The following SCYL2 variants were observed in gnomAD, a reference collection of about 807,000 sequenced individuals.
SCYL2 encodes the protein SCY1-like protein 2.
In SCYL2, 36 loss-of-function variants were observed where a neutral mutation model predicts 100.4. The ratio of observed to expected loss-of-function variants is 0.36; its 90% CI spans 0.27 to 0.47. The LOEUF is 0.47. Ranked by LOEUF, SCYL2 falls within the 20% of genes least tolerant of loss-of-function variation. SCYL2 has a pLI of 1.00. For synonymous variants in SCYL2, 330 were observed against 359.2 expected, an observed-to-expected ratio of 0.92 and a Z score of 0.92; for missense variants, 902 against 1,083.9, an observed-to-expected ratio of 0.83 and a Z score of 2.36.
Position 100,317,829 on chromosome 12 carries a change from G to A in SCYL2, c.1299G>A (p.Met433Ile). ...TTTTGTTAATTTTCCTACAAAAAAT[G>A]GATTTGCTACTAACCAAAACCCCTC... ...IQILLIFLQK[M>I]DLLLTKTPPD... Residue 433 changes from methionine (M) to isoleucine (I), a missense_variant, in exon 10 of 18, where the codon ATG becomes ATA. By Grantham distance (10) the Met-to-Ile change is conservative. Coordinates refer to ENST00000360820, the MANE Select transcript of SCYL2 (RefSeq NM_017988.6). 6.2e-7 allele frequency: 1 copy of A among 1,600,930 alleles called. No homozygotes were observed. Among genetic ancestry groups the A allele is most frequent in the East Asian group, 2.2e-5 (1 of 44,698 alleles).
intron 4 of SCYL2, among the ~76,000 whole-genome samples, chr12:100,308,254 T>C (rs1208991594): frequency 6.6e-6 from 1 of 152,106 alleles, no homozygotes; most frequent in Admixed American, 6.5e-5. Context: ...CCATCAATGA[T>C]AGATTGGATA....
At chr12:100,280,190 C>T (rs2096296595) in intron 1 of SCYL2, among the ~76,000 whole-genome samples, 1 of 152,074 alleles carries the variant, frequency 6.6e-6, no homozygotes, top group Non-Finnish European at 1.5e-5. Context: ...AGCAAGAGGG[C>T]AGATTCACTC....
At chr12:100,271,342 T>C (rs1033252216) in intron 1 of SCYL2, among the ~76,000 whole-genome samples, 1 of 150,796 alleles carries the variant, frequency 6.6e-6, no homozygotes, top group Non-Finnish European at 1.5e-5. Flanking sequence ...AAGTACTGCA[T>C]ATGGGAGTAT....
intron 10 of SCYL2, among the ~76,000 whole-genome samples, chr12:100,322,138 C>G (rs375877995): frequency 6.6e-6 from 1 of 150,652 alleles, no homozygotes; most frequent in African/African-American, 2.4e-5. Context: ...TTTGGGAGGC[C>G]GAGGCGGGCA....
intron 1 of SCYL2, among the ~76,000 whole-genome samples, chr12:100,270,362 C>T (rs2096286300): frequency 6.6e-6 from 1 of 152,120 alleles, no homozygotes; most frequent in Non-Finnish European, 1.5e-5. Flanking sequence ...ATTTCCTACT[C>T]AGTTATTCCT....
chr12:100,296,928 T>C (rs978490597), intron 3 of SCYL2: 1 of 152,214 alleles, frequency 6.6e-6, no homozygotes, highest in African/African-American at 2.4e-5. Context: ...ATATTAAGCT[T>C]CTGCATATGC....
chr12:100,308,111 C>T (rs1250856340), intron 4 of SCYL2, among the ~76,000 whole-genome samples: 1 of 151,974 alleles, frequency 6.6e-6, no homozygotes, highest in Non-Finnish European at 1.5e-5. Flanking sequence ...CCAAAAATAC[C>T]ATTTGACCCA....
chr12:100,273,982 G>T (rs969685917), intron 1 of SCYL2, among the ~76,000 whole-genome samples: 1 of 152,138 alleles, frequency 6.6e-6, no homozygotes, highest in Non-Finnish European at 1.5e-5. Context: ...TCACCTTCCC[G>T]TCAAAATCAA....
chr12:100,310,259 T>A (rs1247219571), intron 4 of SCYL2, among the ~76,000 whole-genome samples: 1 of 152,172 alleles, frequency 6.6e-6, no homozygotes, highest in Non-Finnish European at 1.5e-5. Flanking sequence ...GCCTCCCAAA[T>A]GGCTGGGATT....
intron 3 of SCYL2, among the ~76,000 whole-genome samples, chr12:100,293,113 G>A (rs1328521669): frequency 1.3e-5 from 2 of 151,848 alleles, no homozygotes; most frequent in East Asian, 1.9e-4. Context: ...ACTGTGCCTG[G>A]CCTCTTCTTT....
rs375413669 is a variant in SCYL2 at position 100,293,895 on chromosome 12, T to C, written c.335+2235T>C. Among the ~76,000 whole-genome samples the C allele has an allele frequency of 3.3e-5, 5 of 152,180 alleles. No individual in the cohort carries two copies. In the East Asian group the frequency reaches 7.7e-4, roughly 24 times the overall value. On this transcript the variant is annotated intron_variant, in intron 3 of 17. Transcript: ENST00000360820. ...CAAGGCAGAAGAATTTTTCTTAGTA[T>C]AGAACAAAATGAAAAGTCTCCCATG...
In SCYL2 at chr12:100,287,507, A is replaced by T. The variant is rs555114409; in HGVS notation, c.178-3996A>T. 2.4e-3 allele frequency among the ~76,000 whole-genome samples: 372 copies of T among 152,338 alleles called. 1 individual carries two copies. Among genetic ancestry groups the T allele is most frequent in the Middle Eastern group, 0.02 (6 of 294 alleles). On this transcript the variant is annotated intron_variant, in intron 2 of 17. Transcript: ENST00000360820. ...AAATTAGGTCTGTATCAAATGGGAC[A>T]TACACTGTATTGTGACAAATACTAC... is the stretch of plus-strand genomic sequence containing the variant.
At chr12:100,319,393 A>T (rs1184380835) in intron 10 of SCYL2, 3 of 355,242 alleles carry the variant, frequency 8.4e-6, no homozygotes, top group Non-Finnish European at 1.7e-5. Context: ...ATATTTAGTG[A>T]TATTAAAGAA....
intron 9 of SCYL2, among the ~76,000 whole-genome samples, chr12:100,316,734 G>A (rs1395733601): frequency 6.6e-6 from 1 of 152,184 alleles, no homozygotes; most frequent in African/African-American, 2.4e-5. Flanking sequence ...CATCAGTCAA[G>A]ATAGTACCCT....
At chr12:100,331,748 G>A (rs555278134) in intron 13 of SCYL2, among the ~76,000 whole-genome samples, 2 of 152,214 alleles carry the variant, frequency 1.3e-5, no homozygotes, top group African/African-American at 2.4e-5. Context: ...GATGTGGTCT[G>A]CCTTCCCATT....
At chr12:100,275,157 T>A (rs2096291280) in intron 1 of SCYL2, among the ~76,000 whole-genome samples, 1 of 152,194 alleles carries the variant, frequency 6.6e-6, no homozygotes. Context: ...ACAGTATTTT[T>A]AAATTTTAAA....
At chr12:100,302,489 GGATTTTAT>G (rs2096329080) in intron 4 of SCYL2, among the ~76,000 whole-genome samples, 1 of 152,128 alleles carries the variant, frequency 6.6e-6, no homozygotes, top group Non-Finnish European at 1.5e-5. Flanking sequence ...TGTCTGTGTA[GGATTTTAT>G]TTCTCCTTCA....
intron 2 of SCYL2, among the ~76,000 whole-genome samples, chr12:100,288,943 C>T (rs147022915): frequency 3.2e-4 from 48 of 151,662 alleles, no homozygotes; most frequent in African/African-American, 1.2e-3. Flanking sequence ...AAGTGCTGGA[C>T]ACTTTGGAGT....
intron 9 of SCYL2, among the ~76,000 whole-genome samples, chr12:100,317,048 A>G (rs984149598): frequency 6.6e-6 from 1 of 151,726 alleles, no homozygotes; most frequent in African/African-American, 2.4e-5. Context: ...GTAAGCTATG[A>G]TCGCGCCACT....
Sources: gnomAD v4.1 joint callset for allele counts (sites outside exome capture counted in the v4.1 genomes callset) on GRCh38, gnomAD v4.1.1 for gene constraint, MANE v1.5 for transcripts, NCBI Gene and HGNC (gene_info 2026-07-23, HGNC 2026-07-21) for gene names.